Variants in PPP3CB observed in about 807,000 individuals in gnomAD.
PPP3CB encodes serine/threonine-protein phosphatase 2B catalytic subunit beta isoform.
Under a neutral mutation model 66.4 loss-of-function variants are expected in PPP3CB, and 8 were observed. The observed-to-expected ratio is 0.12, with a 90% CI of 0.07 to 0.22. The LOEUF (loss-of-function observed/expected upper bound fraction) is 0.22. Among genes scored for constraint, PPP3CB ranks in the 10% least tolerant of loss-of-function variants. PPP3CB has a pLI of 1.00. For synonymous variants in PPP3CB, 208 were observed against 221.2 expected, an observed-to-expected ratio of 0.94 and a Z score of 0.53; for missense variants, 319 against 642.5, an observed-to-expected ratio of 0.50 and a Z score of 5.44.
chr10:73,446,300 A>G (rs1428108131), intron 11 of PPP3CB, among the ~76,000 whole-genome samples, 192 bp downstream of exon 11: 8 of 151,518 alleles, frequency 5.3e-5, no homozygotes, highest in Non-Finnish European at 1.2e-4. Flanking sequence ...GGGATTCACT[A>G]TGTTGGCCAG....
intron 1 of PPP3CB, among the ~76,000 whole-genome samples, chr10:73,486,916 A>G: frequency 6.6e-6 from 1 of 152,132 alleles, no homozygotes; most frequent in East Asian, 1.9e-4. Flanking sequence ...TAAATCTGTA[A>G]TCCTAGCATT....
intron 12 of PPP3CB, among the ~76,000 whole-genome samples, chr10:73,441,256 T>G (rs989119600): frequency 6.6e-6 from 1 of 152,170 alleles, no homozygotes; most frequent in African/African-American, 2.4e-5. Flanking sequence ...CCAAAAGAAT[T>G]AGGACGAACA....
chr10:73,478,447 G>C (rs2056825253), intron 3 of PPP3CB, 52 bp downstream of exon 3: 3 of 1,492,814 alleles, frequency 2.0e-6, no homozygotes, highest in East Asian at 4.6e-5. Flanking sequence ...TTAAGTGAAA[G>C]CATCTGTGTT....
At chr10:73,441,957 G>C (rs2056156684) in intron 12 of PPP3CB, among the ~76,000 whole-genome samples, 1 of 151,990 alleles carries the variant, frequency 6.6e-6, no homozygotes, top group African/African-American at 2.4e-5. Flanking sequence ...TTTTCCTTTT[G>C]CAATACCTAA....
intron 9 of PPP3CB, among the ~76,000 whole-genome samples, chr10:73,464,616 T>A (rs1281668588): frequency 6.6e-6 from 1 of 152,162 alleles, no homozygotes; most frequent in African/African-American, 2.4e-5. Context: ...TTTATCAGAT[T>A]CTCAAAGGGA....
chr10:73,454,486 G>A lies in PPP3CB; in HGVS notation c.1112C>T (p.Thr371Ile). 1 of 1,611,024 alleles carries A rather than the reference G, an allele frequency of 6.2e-7. No individual in the cohort carries two copies. The highest frequency in any genetic ancestry group is 8.5e-7 in the Non-Finnish European group (1 of 1,177,972). The change falls in exon 10 of 14, where the codon ACA (threonine) becomes ATA (isoleucine). Residue 371 changes from threonine to isoleucine, a missense_variant. Physicochemically the swap from Thr to Ile is moderately conservative, Grantham distance 89. Coordinates refer to ENST00000360663, the MANE Select transcript of PPP3CB (RefSeq NM_021132.4). Reference protein sequence around the residue: ...WSLPFVGEKVTEMLVNVLSIC... With the variant: ...WSLPFVGEKVIEMLVNVLSIC... ...ACTCAGAACATTTACCAACATTTCT[G>A]TCACTATTTGGGAAAAAAAAGTTAC...
intron 3 of PPP3CB, among the ~76,000 whole-genome samples, chr10:73,476,043 T>G (rs1589709053): frequency 6.6e-6 from 1 of 150,480 alleles, no homozygotes; most frequent in Non-Finnish European, 1.5e-5. Flanking sequence ...TTTTTTTTTG[T>G]GGAGACAGGG....
At position 73,471,587 on chromosome 10, in the gene PPP3CB, A is replaced by G; in HGVS notation, c.550T>C (p.Tyr184His). The G allele has an allele frequency of 6.2e-7, 1 of 1,602,678 alleles. No individual in the cohort carries two copies. The highest frequency in any genetic ancestry group is 1.3e-5 in the African/African-American group (1 of 74,360). Residue 184 changes from tyrosine (Y) to histidine (H), a missense_variant, in exon 5 of 14, where the codon TAT becomes CAT. By Grantham distance (83) the Tyr-to-His change is moderately conservative. Transcript: ENST00000360663. The part of the protein sequence containing the change: ...ECKIKYSERV[Y>H]EACMEAFDSL... ...TCAAAAGCTTCCATACAAGCTTCATAGACTCTTTCCGAATACTTAATTTTA... is the reference window on the plus strand; with the variant it reads ...TCAAAAGCTTCCATACAAGCTTCATGGACTCTTTCCGAATACTTAATTTTA...
chr10:73,477,166 T>C (rs760666388), intron 3 of PPP3CB: 1 of 518,800 alleles, frequency 1.9e-6, no homozygotes, highest in Admixed American at 1.9e-5. Context: ...ACCTCATTAA[T>C]ATTATTGTGA....
chr10:73,454,287 CT>C lies in PPP3CB; in HGVS notation c.1186+124del, dbSNP rs2056390261. ...AATATCCAAAAAAAGTAACTTGTTA[CT>C]TATCAAATAGCATAGTCTCTGAAAG... On this transcript the variant is annotated intron_variant, in intron 10 of 13. Transcript: ENST00000360663. The C allele has an allele frequency of 6.4e-6, 3 of 469,548 alleles. No homozygotes were observed. In the East Asian group the frequency reaches 1.0e-4, roughly 16 times the overall value. The allele number at this position is 469,548 out of a possible 1,614,324, so 29.1% of individuals were successfully genotyped here. A position where few individuals can be genotyped will look rare whatever the true frequency, so the allele number is the denominator to read the frequency against.
At chr10:73,482,350 C>G (rs1192624440) in intron 1 of PPP3CB, among the ~76,000 whole-genome samples, 2 of 151,766 alleles carry the variant, frequency 1.3e-5, no homozygotes, top group East Asian at 3.9e-4. Context: ...TAAGACCACC[C>G]TGGTCAACAC....
At chr10:73,450,655 A>G (rs1404854097) in intron 10 of PPP3CB, among the ~76,000 whole-genome samples, 2 of 152,256 alleles carry the variant, frequency 1.3e-5, no homozygotes, top group African/African-American at 4.8e-5. Context: ...TAATATTCAA[A>G]GCTGGAACTC....
At chr10:73,471,273 A>G in intron 5 of PPP3CB, 64 bp from the exon 6 acceptor site, 2 of 1,487,080 alleles carry the variant, frequency 1.3e-6, no homozygotes, top group South Asian at 1.3e-5. Flanking sequence ...AAATGTGCAT[A>G]GGAAAACGAT....
At chr10:73,445,982 C>T (rs1444420387) in intron 11 of PPP3CB, among the ~76,000 whole-genome samples, 1 of 150,406 alleles carries the variant, frequency 6.6e-6, no homozygotes, top group African/African-American at 2.4e-5. Context: ...CTCTTGACCT[C>T]GTGATCCACC....
chr10:73,491,888 A>T (rs1201787397), intron 1 of PPP3CB, among the ~76,000 whole-genome samples: 1 of 152,048 alleles, frequency 6.6e-6, no homozygotes. Flanking sequence ...AATCGTTTGA[A>T]CCCGGGAGGT....
intron 13 of PPP3CB, among the ~76,000 whole-genome samples, chr10:73,438,736 G>A (rs2056103283): frequency 6.6e-6 from 1 of 152,150 alleles, no homozygotes; most frequent in Admixed American, 6.5e-5. Context: ...GTCTCAGTCT[G>A]ACTTCTACTA....
intron 1 of PPP3CB, among the ~76,000 whole-genome samples, chr10:73,483,607 A>C (rs781017355): frequency 4.6e-5 from 7 of 152,138 alleles, no homozygotes; most frequent in Non-Finnish European, 7.3e-5. Flanking sequence ...CAGTGGGCCG[A>C]GATCATGCCA....
At chr10:73,471,417 AACAATGTACT>A (rs768382209) in intron 5 of PPP3CB, 41 bp downstream of exon 5, 2 of 1,534,602 alleles carry the variant, frequency 1.3e-6, no homozygotes, top group East Asian at 4.5e-5. Context: ...TGCTCTACTC[AACAATGTACT>A]ATAAATAGAA....
chr10:73,494,450 G>A (rs2133064759), intron 1 of PPP3CB, among the ~76,000 whole-genome samples: 1 of 152,056 alleles, frequency 6.6e-6, no homozygotes, highest in South Asian at 2.1e-4. Flanking sequence ...ACCATGCCCG[G>A]CTAATTTTTA....
Sources: gnomAD v4.1 joint callset for allele counts (sites outside exome capture counted in the v4.1 genomes callset) on GRCh38, gnomAD v4.1.1 for gene constraint, MANE v1.5 for transcripts, NCBI Gene and HGNC (gene_info 2026-07-23, HGNC 2026-07-21) for gene names.